CCDC169: variants seen among roughly 807,000 people sequenced by gnomAD.
CCDC169 encodes the protein coiled-coil domain-containing protein 169.
CCDC169 carries 30 observed loss-of-function variants against 36.0 expected under a neutral mutation model. That is an observed-to-expected ratio of 0.83 (90% CI 0.62 to 1.13). The LOEUF is 1.13. Ranked by LOEUF, CCDC169 falls within the 50% of genes most tolerant of loss-of-function variation. The pLI is 0.00. For synonymous variants in CCDC169, 85 were observed against 81.5 expected, an observed-to-expected ratio of 1.04 and a Z score of -0.23; for missense variants, 245 against 245.9, an observed-to-expected ratio of 1.00 and a Z score of 0.03.
chr13:36,283,083 G>A (rs1039150444), intron 4 of CCDC169: 5 of 193,864 alleles, frequency 2.6e-5, no homozygotes, highest in African/African-American at 1.2e-4. Context: ...TTTCGAGTTA[G>A]AAAAATTCCT....
intron 4 of CCDC169, among the ~76,000 whole-genome samples, chr13:36,255,403 C>T (rs1024711731): frequency 1.2e-4 from 18 of 152,152 alleles, no homozygotes; most frequent in African/African-American, 2.7e-4. Context: ...GTGGCTCACA[C>T]CTGTAATCCC....
intron 4 of CCDC169, chr13:36,281,153 A>C: frequency 2.6e-6 from 1 of 378,120 alleles, no homozygotes; most frequent in South Asian, 2.0e-5. Flanking sequence ...ACACGAGGAC[A>C]AAAGCCACTC....
intron 4 of CCDC169, among the ~76,000 whole-genome samples, chr13:36,257,168 G>C (rs1410106652): frequency 6.6e-6 from 1 of 152,220 alleles, no homozygotes; most frequent in Non-Finnish European, 1.5e-5. Flanking sequence ...TGTACAAATA[G>C]AAAGTGACAT....
intron 2 of CCDC169, among the ~76,000 whole-genome samples, chr13:36,293,886 A>G (rs1879191983): frequency 6.6e-6 from 1 of 152,136 alleles, no homozygotes; most frequent in African/African-American, 2.4e-5. Context: ...GTGATTTGCT[A>G]TGCAGCAAAA....
chr13:36,292,992 T>A (rs943702835), intron 2 of CCDC169, among the ~76,000 whole-genome samples: 3 of 152,182 alleles, frequency 2.0e-5, no homozygotes, highest in Admixed American at 6.5e-5. Context: ...GGTAGCTCTG[T>A]TGGTAGAAAC....
chr13:36,275,859 A>G (rs757725422), intron 4 of CCDC169, among the ~76,000 whole-genome samples: 2 of 152,188 alleles, frequency 1.3e-5, no homozygotes, highest in East Asian at 1.9e-4. Context: ...TGAAGAAAAG[A>G]TAAGTAGGTC....
chr13:36,283,593 T>C lies in CCDC169; in HGVS notation c.273A>G (p.Ser91=), dbSNP rs775652620. The change falls in exon 3 of 8, where the codon TCA becomes TCG. Residue 91 remains serine, a splice_region_variant and synonymous_variant. Coordinates refer to ENST00000239859, the MANE Select transcript of CCDC169 (RefSeq NM_001144981.3). ...ATGTACATATGATTGGTTTTGTACC[T>C]GAAGAGTTTCCATGGATTTTTTCCA... is the stretch of plus-strand genomic sequence containing the variant. ...EKVEKIHGNS[S]DRLSSIRVYE... is the part of the protein sequence containing the mutation. 6 of 1,551,238 alleles carry C rather than the reference T, an allele frequency of 3.9e-6. No individual in the cohort carries two copies. The African/African-American group carries it at 4.1e-5, about 11-fold the overall frequency.
chr13:36,228,963 C>G (rs879915046), downstream of CCDC169, among the ~76,000 whole-genome samples: 19 of 152,314 alleles, frequency 1.2e-4, no homozygotes, highest in South Asian at 6.2e-4. Flanking sequence ...TTTGCACTGA[C>G]TGGTAGAAAG....
chr13:36,256,316 A>T (rs1873882073), intron 4 of CCDC169, among the ~76,000 whole-genome samples: 1 of 152,324 alleles, frequency 6.6e-6, no homozygotes, highest in South Asian at 2.1e-4. Context: ...TAAAGAAAAG[A>T]GGTTTAACTG....
intron 4 of CCDC169, among the ~76,000 whole-genome samples, chr13:36,268,023 T>C (rs1457741768): frequency 6.6e-6 from 1 of 152,068 alleles, no homozygotes; most frequent in Non-Finnish European, 1.5e-5. Flanking sequence ...AACACAATAA[T>C]GGTGAAAGAC....
chr13:36,296,452 T>C (rs1477152826), intron 1 of CCDC169, among the ~76,000 whole-genome samples: 1 of 152,172 alleles, frequency 6.6e-6, no homozygotes, highest in Non-Finnish European at 1.5e-5. Context: ...TACCTGGTTT[T>C]TCAGAACCAA....
chr13:36,242,985 G>C (rs9546847), intron 7 of CCDC169, among the ~76,000 whole-genome samples: 47,675 of 152,142 alleles, frequency 0.31, 8,016 homozygotes, highest in Non-Finnish European at 0.38. Context: ...AAGTGGACAA[G>C]TATCTTAGCC....
intron 5 of CCDC169, 54 bp downstream of exon 5, chr13:36,253,991 A>T (rs986298492): frequency 6.5e-7 from 1 of 1,529,482 alleles, no homozygotes. Flanking sequence ...TGTAGATAAC[A>T]TTAGAAATAA....
At chr13:36,259,758 A>C (rs995197344) in intron 4 of CCDC169, among the ~76,000 whole-genome samples, 1 of 152,248 alleles carries the variant, frequency 6.6e-6, no homozygotes, top group Non-Finnish European at 1.5e-5. Context: ...GCTCGTGACC[A>C]AAGGTTGAAG....
rs572037665 is a variant in CCDC169 at position 36,259,014 on chromosome 13, C to G, written c.316-4871G>C. Among the ~76,000 whole-genome samples, 9 of 152,258 alleles carry G rather than the reference C, an allele frequency of 5.9e-5. No homozygotes were observed. The East Asian group carries it at 1.2e-3, about 20-fold the overall frequency. On this transcript the variant is annotated intron_variant, in intron 4 of 7. Transcript: ENST00000239859. ...CCGGGATGAGTGCCTGCAGAGGAAT[C>G]CTGCTCCCTGCAGGCACATCTAGAA...
At chr13:36,261,085 A>G (rs889116887) in intron 4 of CCDC169, among the ~76,000 whole-genome samples, 5 of 152,180 alleles carry the variant, frequency 3.3e-5, no homozygotes, top group African/African-American at 4.8e-5. Flanking sequence ...TGTATTGCGC[A>G]GTAATTTTCA....
At chr13:36,261,892 C>T (rs754624052) in intron 4 of CCDC169, among the ~76,000 whole-genome samples, 1 of 152,136 alleles carries the variant, frequency 6.6e-6, no homozygotes, top group African/African-American at 2.4e-5. Context: ...CAGGTAAATT[C>T]GTCAGTTGAT....
At chr13:36,253,756 T>C in intron 6 of CCDC169, 47 bp downstream of exon 6, 1 of 1,521,448 alleles carries the variant, frequency 6.6e-7, no homozygotes. Context: ...AAAACATAAT[T>C]TACAGTAAGA....
At chr13:36,244,855 C>CT (rs1485855276) in intron 7 of CCDC169, among the ~76,000 whole-genome samples, 7 of 98,588 alleles carry the variant, frequency 7.1e-5, no homozygotes, top group Non-Finnish European at 1.2e-4. Context: ...CTTGGGGACT[C>CT]TGACACAGTG....
Sources: gnomAD v4.1 joint callset for allele counts (sites outside exome capture counted in the v4.1 genomes callset) on GRCh38, gnomAD v4.1.1 for gene constraint, MANE v1.5 for transcripts, NCBI Gene and HGNC (gene_info 2026-07-23, HGNC 2026-07-21) for gene names.